Variants in GALNT13 observed in about 807,000 individuals in gnomAD.
The protein encoded by GALNT13 is polypeptide N-acetylgalactosaminyltransferase 13.
GALNT13 carries 28 observed loss-of-function variants against 64.2 expected under a neutral mutation model. The ratio of observed to expected loss-of-function variants is 0.44; its 90% CI spans 0.32 to 0.60. GALNT13 has a LOEUF of 0.60. Among genes scored for constraint, GALNT13 ranks in the 20% least tolerant of loss-of-function variants. The pLI is 0.05. For synonymous variants in GALNT13, 214 were observed against 224.6 expected (o/e 0.95, Z 0.42); for missense variants, 577 against 669.8 (o/e 0.86, Z 1.53).
the GALNT13 span, among the ~76,000 whole-genome samples, chr2:153,486,629 T>C: frequency 2.6e-5 from 4 of 152,150 alleles, no homozygotes; most frequent in African/African-American, 9.7e-5. Flanking sequence ...TTTAATGTCG[T>C]TGAAATAAAG....
At chr2:153,090,740 G>C in the GALNT13 span, among the ~76,000 whole-genome samples, 1 of 152,150 alleles carries the variant, frequency 6.6e-6, no homozygotes, top group Non-Finnish European at 1.5e-5. Context: ...ACCATCAAGT[G>C]GGGGCAGGGT....
At chr2:154,170,475 C>A (rs1378726336) in intron 4 of GALNT13, among the ~76,000 whole-genome samples, 1 of 152,064 alleles carries the variant, frequency 6.6e-6, no homozygotes, top group East Asian at 1.9e-4. Context: ...ATGATTGACT[C>A]AGGTCTACAC....
the GALNT13 span, among the ~76,000 whole-genome samples, chr2:153,090,845 G>A: frequency 3.3e-5 from 5 of 151,518 alleles, no homozygotes; most frequent in South Asian, 6.3e-4. Flanking sequence ...TGTTAGTTCC[G>A]TAGGAGACCT....
the GALNT13 span, among the ~76,000 whole-genome samples, chr2:153,775,543 A>G: frequency 6.6e-6 from 1 of 152,180 alleles, no homozygotes; most frequent in Non-Finnish European, 1.5e-5. Flanking sequence ...CTCTTACTAA[A>G]AATGACTGAA....
intron 3 of GALNT13, among the ~76,000 whole-genome samples, chr2:154,021,784 T>G (rs1342953368): frequency 1.5e-4 from 23 of 151,380 alleles, no homozygotes; most frequent in Non-Finnish European, 2.5e-4. Context: ...TGTGCCCGTT[T>G]TCAAAGGGAA....
At chr2:153,818,602 G>A in the GALNT13 span, among the ~76,000 whole-genome samples, 1 of 152,168 alleles carries the variant, frequency 6.6e-6, no homozygotes, top group Non-Finnish European at 1.5e-5. Flanking sequence ...GTCAGTCATG[G>A]CTCTGCTTTT....
chr2:153,999,917 T>C (rs886755154), intron 3 of GALNT13, among the ~76,000 whole-genome samples: 1 of 152,030 alleles, frequency 6.6e-6, no homozygotes, highest in Admixed American at 6.6e-5. Flanking sequence ...TAAATGTTTG[T>C]TAGAATTCAA....
the GALNT13 span, among the ~76,000 whole-genome samples, chr2:153,770,910 G>A: frequency 6.6e-6 from 1 of 152,208 alleles, no homozygotes; most frequent in African/African-American, 2.4e-5. Flanking sequence ...CTAGAGGTGT[G>A]CCTAGGCATG....
chr2:153,923,188 C>T (rs976661509), intron 2 of GALNT13, among the ~76,000 whole-genome samples: 13 of 152,318 alleles, frequency 8.5e-5, no homozygotes, highest in African/African-American at 3.1e-4. Flanking sequence ...GCATGAGCCA[C>T]TGTGCCTGGC....
chr2:154,436,490 T>G (rs1700980713), intron 11 of GALNT13: 1 of 152,226 alleles, frequency 6.6e-6, no homozygotes, highest in Admixed American at 6.5e-5. Flanking sequence ...TACACTGGCA[T>G]TTGTACACTT....
the GALNT13 span, among the ~76,000 whole-genome samples, chr2:153,504,363 G>T: frequency 8.0e-3 from 1,222 of 152,238 alleles, 15 homozygotes; most frequent in Non-Finnish European, 0.012. Flanking sequence ...TACCAATTTG[G>T]ATGCTCTTGA....
At chr2:153,183,240 T>C in the GALNT13 span, among the ~76,000 whole-genome samples, 1 of 152,222 alleles carries the variant, frequency 6.6e-6, no homozygotes, top group African/African-American at 2.4e-5. Flanking sequence ...AATGTTAAAC[T>C]TTTTTGTCAT....
the GALNT13 span, among the ~76,000 whole-genome samples, chr2:153,696,773 T>C: frequency 6.6e-6 from 1 of 152,192 alleles, no homozygotes; most frequent in Non-Finnish European, 1.5e-5. Flanking sequence ...ATTTTGTGGT[T>C]AGAATATAGA....
chr2:154,309,869 A>G (rs1693937769), intron 9 of GALNT13, among the ~76,000 whole-genome samples: 1 of 152,136 alleles, frequency 6.6e-6, no homozygotes, highest in South Asian at 2.1e-4. Flanking sequence ...ACAACCTTTT[A>G]ATGACTTAAC....
At position 154,140,354 on chromosome 2, in the gene GALNT13, C is replaced by A; in HGVS notation, c.160C>A (p.Gln54Lys). The A allele has an allele frequency of 1.2e-6, 2 of 1,612,288 alleles. No homozygotes were observed. The highest frequency in any genetic ancestry group is 2.2e-5 in the South Asian group (2 of 91,014). Residue 54 changes from glutamine to lysine, a missense_variant, in exon 4 of 13, where the codon CAA (glutamine) becomes AAA (lysine). Gln to Lys is a moderately conservative substitution (Grantham distance 53). This residue lies in a region of GALNT13 where 341 missense variants were observed against 379.3 expected (regional missense o/e 0.90). Transcript: ENST00000392825. Reference protein sequence around the residue: ...PALRAVISRNQEGPGEMGKAV... With the variant: ...PALRAVISRNKEGPGEMGKAV... ...TCTTACAGCTGTTATTTCAAGAAACCAAGAAGGGCCAGGAGAAATGGGAAA... is the reference window on the plus strand; with the variant it reads ...TCTTACAGCTGTTATTTCAAGAAACAAAGAAGGGCCAGGAGAAATGGGAAA...
rs1692311789 is a variant in GALNT13, at chr2:154,287,088, G to A, written c.976-14321G>A. 3 of 915,132 alleles carry A rather than the reference G, an allele frequency of 3.3e-6. No homozygotes were observed. The Admixed American group carries it at 5.2e-5, about 16-fold the overall frequency. The allele number at this position is 915,132 out of a possible 1,614,324, so 56.7% of individuals were successfully genotyped here. On this transcript the variant is annotated intron_variant, in intron 8 of 12. Transcript: ENST00000392825. ...TTTGGGCTCATCCACCCACCTTTGG[G>A]CAAGCAGCCACCTTTGGATGGCATG...
At chr2:154,242,677 A>G (rs748905593) in intron 5 of GALNT13, 21 bp from the exon 6 acceptor site, 2 of 1,547,664 alleles carry the variant, frequency 1.3e-6, no homozygotes, top group South Asian at 1.1e-5. Context: ...TTTTTCTTAT[A>G]AATTCTTATA....
At chr2:154,099,655 C>T (rs529767846) in intron 3 of GALNT13, among the ~76,000 whole-genome samples, 8 of 151,982 alleles carry the variant, frequency 5.3e-5, no homozygotes, top group Admixed American at 2.0e-4. Context: ...TTCCCAGCAC[C>T]GGTCAGGCAC....
chr2:154,183,798 G>T (rs905950803), intron 4 of GALNT13, among the ~76,000 whole-genome samples: 2 of 151,386 alleles, frequency 1.3e-5, no homozygotes, highest in Non-Finnish European at 3.0e-5. Flanking sequence ...TCTTTTGATT[G>T]TTTTTCTAAT....
Sources: gnomAD v4.1 joint callset for allele counts (sites outside exome capture counted in the v4.1 genomes callset) on GRCh38, gnomAD v4.1.1 for gene constraint, gnomAD v4.1.1 regional missense constraint, MANE v1.5 for transcripts, NCBI Gene and HGNC (gene_info 2026-07-23, HGNC 2026-07-21) for gene names.